The following SPOCK1 variants were observed in gnomAD, a reference collection of about 807,000 sequenced individuals.
SPOCK1 encodes SPARC (osteonectin), cwcv and kazal like domains proteoglycan 1, also known as testican-1.
SPOCK1 carries 23 observed loss-of-function variants against 55.3 expected under a neutral mutation model. The ratio of observed to expected loss-of-function variants is 0.42; its 90% CI spans 0.30 to 0.59. The LOEUF (loss-of-function observed/expected upper bound fraction) is 0.59, where lower values mean the gene tolerates loss of function less well. Among genes scored for constraint, SPOCK1 ranks in the 20% least tolerant of loss-of-function variants. SPOCK1 has a pLI of 0.22. For missense variants in SPOCK1, 499 were observed against 552.5 expected (o/e 0.90, Z 0.97); for synonymous variants, 226 against 221.0 (o/e 1.02, Z -0.20).
At chr5:137,388,156 A>G (rs1751635850) in intron 2 of SPOCK1, among the ~76,000 whole-genome samples, 1 of 148,290 alleles carries the variant, frequency 6.7e-6, no homozygotes, top group African/African-American at 2.7e-5. Flanking sequence ...GGAAATATTT[A>G]TAATACAAAA....
At chr5:137,001,892 G>A (rs888687725) in intron 6 of SPOCK1, among the ~76,000 whole-genome samples, 2 of 152,110 alleles carry the variant, frequency 1.3e-5, no homozygotes, top group Admixed American at 1.3e-4. Flanking sequence ...ACATATACAA[G>A]GTGAATTGCC....
intron 2 of SPOCK1, among the ~76,000 whole-genome samples, chr5:137,322,151 C>T (rs1052054202): frequency 1.3e-5 from 2 of 151,690 alleles, no homozygotes; most frequent in Admixed American, 1.3e-4. Context: ...GGCAACATAG[C>T]AAAACCCCAT....
intron 2 of SPOCK1, among the ~76,000 whole-genome samples, chr5:137,275,811 T>A (rs1757055054): frequency 6.6e-6 from 1 of 152,218 alleles, no homozygotes; most frequent in South Asian, 2.1e-4. Flanking sequence ...GGCCACAGGC[T>A]GGACTCCTCC....
At chr5:137,345,182 C>T (rs1029397872) in intron 2 of SPOCK1, among the ~76,000 whole-genome samples, 1 of 152,162 alleles carries the variant, frequency 6.6e-6, no homozygotes, top group Non-Finnish European at 1.5e-5. Flanking sequence ...TGTTTGGAGC[C>T]AAGTGATTTC....
chr5:137,429,944 A>G (rs1005314286), intron 2 of SPOCK1, among the ~76,000 whole-genome samples: 3 of 152,238 alleles, frequency 2.0e-5, no homozygotes, highest in Non-Finnish European at 4.4e-5. Context: ...GTCTCTCCAG[A>G]GACGTGGCTG....
intron 2 of SPOCK1, among the ~76,000 whole-genome samples, chr5:137,387,403 T>C (rs984256374): frequency 2.6e-5 from 4 of 152,240 alleles, no homozygotes; most frequent in Admixed American, 2.0e-4. Context: ...AACCAAGATA[T>C]CTTTCAGTAG....
intron 2 of SPOCK1, among the ~76,000 whole-genome samples, chr5:137,433,982 G>A (rs1179977215): frequency 1.3e-5 from 2 of 152,194 alleles, no homozygotes; most frequent in African/African-American, 2.4e-5. Context: ...GACAAAAATT[G>A]CAATTACCAA....
chr5:137,095,635 C>T (rs1004006250), intron 5 of SPOCK1, among the ~76,000 whole-genome samples: 4 of 152,184 alleles, frequency 2.6e-5, no homozygotes, highest in Admixed American at 2.0e-4. Flanking sequence ...GTACACACTG[C>T]ACACAGGCCC....
chr5:137,273,467 T>C (rs1037675990), intron 2 of SPOCK1: 10 of 777,538 alleles, frequency 1.3e-5, no homozygotes, highest in Admixed American at 1.2e-4. Flanking sequence ...TTTTTGATAA[T>C]TGCATCAAAT....
intron 2 of SPOCK1, among the ~76,000 whole-genome samples, chr5:137,408,161 A>T (rs1752139499): frequency 1.3e-5 from 2 of 152,224 alleles, no homozygotes; most frequent in Non-Finnish European, 2.9e-5. Flanking sequence ...TCTGTCTGTT[A>T]GTTCTACTAG....
chr5:137,218,905 A>G (rs778570120), intron 3 of SPOCK1, among the ~76,000 whole-genome samples: 3 of 152,190 alleles, frequency 2.0e-5, no homozygotes, highest in Non-Finnish European at 2.9e-5. Flanking sequence ...AAAATCATCA[A>G]CAAGGAAAAA....
intron 2 of SPOCK1, among the ~76,000 whole-genome samples, chr5:137,384,896 TC>T (rs1398241718): frequency 6.6e-6 from 1 of 152,118 alleles, no homozygotes; most frequent in Admixed American, 6.5e-5. Flanking sequence ...AGACCCTCTT[TC>T]TAAATAAAGT....
At chr5:137,072,449 G>T (rs928636029) in intron 5 of SPOCK1, among the ~76,000 whole-genome samples, 5 of 152,174 alleles carry the variant, frequency 3.3e-5, no homozygotes, top group African/African-American at 9.7e-5. Flanking sequence ...AGAAAAAGAA[G>T]CAAGAGCCAA....
chr5:137,374,967 G>T (rs1225164853), intron 2 of SPOCK1, among the ~76,000 whole-genome samples: 1 of 152,084 alleles, frequency 6.6e-6, no homozygotes, highest in African/African-American at 2.4e-5. Context: ...AAGCAAAGAG[G>T]CTGGGGGCTC....
At chr5:137,476,177 C>A (rs1182420213) in intron 2 of SPOCK1, among the ~76,000 whole-genome samples, 1 of 151,910 alleles carries the variant, frequency 6.6e-6, no homozygotes, top group African/African-American at 2.4e-5. Flanking sequence ...TTTCCTGATT[C>A]TCTCCTTCCT....
intron 2 of SPOCK1, among the ~76,000 whole-genome samples, chr5:137,411,763 T>C (rs1437495753): frequency 1.3e-5 from 2 of 152,220 alleles, no homozygotes; most frequent in Non-Finnish European, 1.5e-5. Flanking sequence ...AATGAGAGCA[T>C]GGCAAAGTGC....
intron 2 of SPOCK1, among the ~76,000 whole-genome samples, chr5:137,275,016 A>G (rs1757034887): frequency 6.6e-6 from 1 of 152,238 alleles, no homozygotes; most frequent in Admixed American, 6.5e-5. Flanking sequence ...AATTATGATT[A>G]ACTATATCCT....
intron 2 of SPOCK1, among the ~76,000 whole-genome samples, chr5:137,481,437 T>G (rs1163977941): frequency 6.6e-6 from 1 of 152,216 alleles, no homozygotes; most frequent in Non-Finnish European, 1.5e-5. Context: ...AAAATTTTAC[T>G]AGGTCAAAAA....
rs75391780 is a variant in SPOCK1, at chr5:137,354,844, C to T, written c.187-87789G>A. 7.1e-3 allele frequency among the ~76,000 whole-genome samples: 1,076 copies of T among 152,240 alleles called. 8 individuals carry two copies. Among genetic ancestry groups the T allele is most frequent in the Non-Finnish European group, 0.011 (779 of 68,022 alleles). ...AATATTTCATTAATTGAAAAACCTG[C>T]TTTCAGGTATCACTTATTGACTGTA... On this transcript the variant is annotated intron_variant, in intron 2 of 10. Transcript: ENST00000394945.
Sources: gnomAD v4.1 joint callset for allele counts (sites outside exome capture counted in the v4.1 genomes callset) on GRCh38, gnomAD v4.1.1 for gene constraint, MANE v1.5 for transcripts, NCBI Gene and HGNC (gene_info 2026-07-23, HGNC 2026-07-21) for gene names.